Variants in OR11H12 observed in about 807,000 individuals in gnomAD.
OR11H12 encodes the protein olfactory receptor 11H12.
In OR11H12, 10 loss-of-function variants were observed where a neutral mutation model predicts 19.8. That is an observed-to-expected ratio of 0.51 (90% CI 0.31 to 0.86). The LOEUF (loss-of-function observed/expected upper bound fraction) is 0.86, where lower values mean the gene tolerates loss of function less well. Among genes scored for constraint, OR11H12 ranks in the 40% least tolerant of loss-of-function variants. The probability of loss-of-function intolerance (pLI) is 0.04; values close to 1 mark genes in which losing one functional copy is unlikely to be tolerated. For synonymous variants in OR11H12, 40 were observed against 140.5 expected, an observed-to-expected ratio of 0.28 and a Z score of 5.06; for missense variants, 123 against 384.2, an observed-to-expected ratio of 0.32 and a Z score of 5.68.
In OR11H12 at chr14:18,601,315, G is replaced by T; in HGVS notation, c.199G>T (p.Asp67Tyr). The T allele has an allele frequency of 6.6e-7, 1 of 1,506,164 alleles. No homozygotes were observed. Among genetic ancestry groups the T allele is most frequent in the Non-Finnish European group, 9.1e-7 (1 of 1,102,782 alleles). 93.3% of individuals were successfully genotyped at this position (1,506,164 alleles called of 1,614,324 possible). ...AGCCATTGCTTTTGTCCTGTGGTGTGACTGGCGACTTCACACTCCCATGTA... is the reference window on the plus strand; with the variant it reads ...AGCCATTGCTTTTGTCCTGTGGTGTTACTGGCGACTTCACACTCCCATGTA... ...NGAIAFVLWCDWRLHTPMYMF... is the reference protein window; with the variant it reads ...NGAIAFVLWCYWRLHTPMYMF... Residue 67 changes from aspartate (D) to tyrosine (Y), a missense_variant, in exon 1 of 1, where the codon GAC (aspartate) becomes TAC (tyrosine). By Grantham distance (160) the Asp-to-Tyr change is radical. Transcript: ENST00000550708.
chr14:18,601,566 C>T lies in OR11H12; in HGVS notation c.450C>T (p.Ile150=). 1 of 1,611,954 alleles carries T rather than the reference C, an allele frequency of 6.2e-7. No homozygotes were observed. The highest frequency in any genetic ancestry group is 2.2e-5 in the East Asian group (1 of 44,880). The change falls in exon 1 of 1, where the codon ATC becomes ATT. Residue 150 remains isoleucine, a synonymous_variant. Coordinates refer to ENST00000550708, the MANE Select transcript of OR11H12 (RefSeq NM_001013354.1). ...AICRPLLYPN[I]MTGHLCAKLV... is the part of the protein sequence containing the mutation. ...GCCGTCCCTTGCTCTATCCTAATAT[C>T]ATGACTGGGCATCTCTGTGCCAAAC...
chr14:18,601,194 A>T lies in OR11H12; in HGVS notation c.78A>T (p.Glu26Asp). The stretch of plus-strand genomic sequence containing the variant: ...ATTCCAGCTTTGCTTTTGTAAATGA[A>T]TTTATACTCCAAGGTTTCACTTGTG... ...EPNSSFAFVN[E>D]FILQGFTCEW... is the part of the protein sequence containing the mutation. Residue 26 changes from glutamate (E) to aspartate (D), a missense_variant, in exon 1 of 1, where the codon GAA (glutamate) becomes GAT (aspartate). Transcript: ENST00000550708. The T allele has an allele frequency of 6.2e-7, 1 of 1,608,934 alleles. No homozygotes were observed.
chr14:18,601,268 C>T lies in OR11H12; in HGVS notation c.152C>T (p.Ala51Val), dbSNP rs147859978. Reference sequence around the variant, plus strand: ...TTCTCACTCTTTACTACAACATATGCACTGACTATAACAGGGAATGGAGCC... The same window carrying T: ...TTCTCACTCTTTACTACAACATATGTACTGACTATAACAGGGAATGGAGCC... ...FLFSLFTTTY[A>V]LTITGNGAIA... Residue 51 changes from alanine (A) to valine (V), a missense_variant, in exon 1 of 1, where the codon GCA becomes GTA. By Grantham distance (64) the Ala-to-Val change is moderately conservative. Transcript: ENST00000550708. 3.1e-6 allele frequency: 5 copies of T among 1,603,020 alleles called. No individual in the cohort carries two copies. The highest frequency in any genetic ancestry group is 1.7e-6 in the Non-Finnish European group (2 of 1,177,466).
chr14:18,601,146 C>G lies in OR11H12; in HGVS notation c.30C>G (p.Gly10=). MCPLTLQVT[G]LMNVSEPNSS... ...GTCCCTTGACCTTGCAGGTCACTGGCCTAATGAATGTCTCTGAGCCAAATT... is the reference window on the plus strand; with the variant it reads ...GTCCCTTGACCTTGCAGGTCACTGGGCTAATGAATGTCTCTGAGCCAAATT... The change falls in exon 1 of 1, where the codon GGC becomes GGG. Residue 10 remains glycine (G), a synonymous_variant. Coordinates refer to ENST00000550708, the MANE Select transcript of OR11H12 (RefSeq NM_001013354.1). 1 of 1,589,398 alleles carries G rather than the reference C, an allele frequency of 6.3e-7. No individual in the cohort carries two copies. The highest frequency in any genetic ancestry group is 2.2e-5 in the East Asian group (1 of 44,602).
At chr14:18,601,224 G>A in the OR11H12 span, 1 of 1,608,948 alleles carries the variant, frequency 6.2e-7, no homozygotes, top group Non-Finnish European at 8.5e-7. Context: ...CTTGTGAGTG[G>A]ACAATTCAGA....
At position 18,601,318 on chromosome 14, in the gene OR11H12, T is replaced by A. The variant is rs141152619; in HGVS notation, c.202T>A (p.Trp68Arg). The A allele has an allele frequency of 0.027, 38,629 of 1,420,904 alleles. 7,478 individuals are homozygous for A. Among genetic ancestry groups the A allele is most frequent in the Admixed American group, 0.12 (6,104 of 49,522 alleles). 88.0% of individuals were successfully genotyped at this position (1,420,904 alleles called of 1,614,324 possible). The change falls in exon 1 of 1, where the codon TGG (tryptophan) becomes AGG (arginine). Residue 68 changes from tryptophan (W) to arginine (R), a missense_variant. Transcript: ENST00000550708. ...CATTGCTTTTGTCCTGTGGTGTGAC[T>A]GGCGACTTCACACTCCCATGTACAT... ...GAIAFVLWCD[W>R]RLHTPMYMFL...
rs1466787915 is a variant in OR11H12, at chr14:18,601,359, C to T, written c.243C>T (p.Phe81=). The change falls in exon 1 of 1, where the codon TTC becomes TTT. Residue 81 remains phenylalanine (F), a synonymous_variant. Coordinates refer to ENST00000550708, the MANE Select transcript of OR11H12 (RefSeq NM_001013354.1). ...HTPMYMFLGN[F]SFLEIWYVSS... ...CCATGTACATGTTCCTGGGAAATTTCTCCTTTTTAGAGATATGGTATGTCT... is the reference window on the plus strand; with the variant it reads ...CCATGTACATGTTCCTGGGAAATTTTTCCTTTTTAGAGATATGGTATGTCT... The T allele has an allele frequency of 6.3e-7, 1 of 1,577,056 alleles. No homozygotes were observed. The highest frequency in any genetic ancestry group is 8.6e-7 in the Non-Finnish European group (1 of 1,160,116).
At position 18,601,179 on chromosome 14, in the gene OR11H12, T is replaced by C. The variant is rs751424427; in HGVS notation, c.63T>C (p.Phe21=). Residue 21 remains phenylalanine, a synonymous_variant, in exon 1 of 1, where the codon TTT becomes TTC. Transcript: ENST00000550708. ...LMNVSEPNSS[F]AFVNEFILQG... is the part of the protein sequence containing the mutation. ...ATGTCTCTGAGCCAAATTCCAGCTT[T>C]GCTTTTGTAAATGAATTTATACTCC... 6 of 1,608,614 alleles carry C rather than the reference T, an allele frequency of 3.7e-6. No homozygotes were observed. In the East Asian group the frequency reaches 6.7e-5, roughly 18 times the overall value.
In OR11H12 at chr14:18,601,191, T is replaced by C. The variant is rs573921318; in HGVS notation, c.75T>C (p.Asn25=). 65 of 1,609,020 alleles carry C rather than the reference T, an allele frequency of 4.0e-5. 5 individuals are homozygous for C. The African/African-American group carries it at 8.4e-4, about 21-fold the overall frequency. ...SEPNSSFAFV[N]EFILQGFTCE... ...CAAATTCCAGCTTTGCTTTTGTAAA[T>C]GAATTTATACTCCAAGGTTTCACTT... The change falls in exon 1 of 1, where the codon AAT becomes AAC. Residue 25 remains asparagine (N), a synonymous_variant. Coordinates refer to ENST00000550708, the MANE Select transcript of OR11H12 (RefSeq NM_001013354.1).
In OR11H12 at chr14:18,601,244, T is replaced by A; in HGVS notation, c.128T>A (p.Phe43Tyr). ...TCEWTIQIFL[F>Y]SLFTTTYALT... is the part of the protein sequence containing the mutation. The stretch of plus-strand genomic sequence containing the variant: ...GAGTGGACAATTCAGATCTTCCTCT[T>A]CTCACTCTTTACTACAACATATGCA... The change falls in exon 1 of 1, where the codon TTC becomes TAC. Residue 43 changes from phenylalanine (F) to tyrosine (Y), a missense_variant. By Grantham distance (22) the Phe-to-Tyr change is conservative. Coordinates refer to ENST00000550708, the MANE Select transcript of OR11H12 (RefSeq NM_001013354.1). The A allele has an allele frequency of 6.2e-7, 1 of 1,607,904 alleles. No homozygotes were observed.
rs1287908867 is a variant in OR11H12 at position 18,601,342 on chromosome 14, A to C, written c.226A>C (p.Met76Leu). 6.5e-7 allele frequency: 1 copy of C among 1,541,278 alleles called. No homozygotes were observed. The highest frequency in any genetic ancestry group is 8.8e-7 in the Non-Finnish European group (1 of 1,130,858). Residue 76 changes from methionine (M) to leucine (L), a missense_variant, in exon 1 of 1, where the codon ATG becomes CTG. Physicochemically the swap from Met to Leu is conservative, Grantham distance 15. Coordinates refer to ENST00000550708, the MANE Select transcript of OR11H12 (RefSeq NM_001013354.1). ...CDWRLHTPMY[M>L]FLGNFSFLEI... ...CTGGCGACTTCACACTCCCATGTAC[A>C]TGTTCCTGGGAAATTTCTCCTTTTT...
chr14:18,601,196 T>A lies in OR11H12; in HGVS notation c.80T>A (p.Phe27Tyr), dbSNP rs898933036. ...PNSSFAFVNE[F>Y]ILQGFTCEWT... The stretch of plus-strand genomic sequence containing the variant: ...TCCAGCTTTGCTTTTGTAAATGAAT[T>A]TATACTCCAAGGTTTCACTTGTGAG... Residue 27 changes from phenylalanine to tyrosine, a missense_variant, in exon 1 of 1, where the codon TTT becomes TAT. Phe to Tyr is a conservative substitution (Grantham distance 22). Transcript: ENST00000550708. 1.2e-5 allele frequency: 19 copies of A among 1,608,906 alleles called. No individual in the cohort carries two copies. Among genetic ancestry groups the A allele is most frequent in the Non-Finnish European group, 1.6e-5 (19 of 1,179,496 alleles).
At position 18,601,218 on chromosome 14, in the gene OR11H12, T is replaced by C. The variant is rs752826913; in HGVS notation, c.102T>C (p.Cys34=). The change falls in exon 1 of 1, where the codon TGT becomes TGC. Residue 34 remains cysteine, a synonymous_variant. Coordinates refer to ENST00000550708, the MANE Select transcript of OR11H12 (RefSeq NM_001013354.1). ...VNEFILQGFT[C]EWTIQIFLFS... ...AATTTATACTCCAAGGTTTCACTTG[T>C]GAGTGGACAATTCAGATCTTCCTCT... The C allele has an allele frequency of 7.5e-6, 12 of 1,609,334 alleles. No homozygotes were observed. The South Asian group carries it at 7.7e-5, about 10-fold the overall frequency.
chr14:18,601,180 G>A lies in OR11H12; in HGVS notation c.64G>A (p.Ala22Thr). 3 of 1,608,394 alleles carry A rather than the reference G, an allele frequency of 1.9e-6. No individual in the cohort carries two copies. The highest frequency in any genetic ancestry group is 2.5e-6 in the Non-Finnish European group (3 of 1,179,352). The change falls in exon 1 of 1, where the codon GCT becomes ACT. Residue 22 changes from alanine to threonine, a missense_variant. By Grantham distance (58) the Ala-to-Thr change is moderately conservative. Transcript: ENST00000550708. ...MNVSEPNSSF[A>T]FVNEFILQGF... ...TGTCTCTGAGCCAAATTCCAGCTTTGCTTTTGTAAATGAATTTATACTCCA... is the reference window on the plus strand; with the variant it reads ...TGTCTCTGAGCCAAATTCCAGCTTTACTTTTGTAAATGAATTTATACTCCA...
the OR11H12 span, chr14:18,601,218 T>A: frequency 1.3e-5 from 21 of 1,609,216 alleles, no homozygotes; most frequent in East Asian, 4.2e-4. Context: ...GTTTCACTTG[T>A]GAGTGGACAA....
In OR11H12 at chr14:18,601,541, G is replaced by A. The variant is rs754908986; in HGVS notation, c.425G>A (p.Cys142Tyr). 1 of 1,611,684 alleles carries A rather than the reference G, an allele frequency of 6.2e-7. No homozygotes were observed. Among genetic ancestry groups the A allele is most frequent in the Admixed American group, 1.7e-5 (1 of 59,994 alleles). The change falls in exon 1 of 1, where the codon TGC becomes TAC. Residue 142 changes from cysteine to tyrosine, a missense_variant. By Grantham distance (194) the Cys-to-Tyr change is radical. Transcript: ENST00000550708. ...VMAFDQYLAI[C>Y]RPLLYPNIMT... ...GCCTTTGATCAGTACCTTGCTATCTGCCGTCCCTTGCTCTATCCTAATATC... is the reference window on the plus strand; with the variant it reads ...GCCTTTGATCAGTACCTTGCTATCTACCGTCCCTTGCTCTATCCTAATATC...
Position 18,601,274 on chromosome 14 carries a change from C to G in OR11H12, c.158C>G (p.Thr53Ser), listed in dbSNP as rs1243881642. ...CTCTTTACTACAACATATGCACTGA[C>G]TATAACAGGGAATGGAGCCATTGCT... ...FSLFTTTYAL[T>S]ITGNGAIAFV... Residue 53 changes from threonine to serine, a missense_variant, in exon 1 of 1, where the codon ACT becomes AGT. Transcript: ENST00000550708. 2 of 1,596,892 alleles carry G rather than the reference C, an allele frequency of 1.3e-6. No individual in the cohort carries two copies. Among genetic ancestry groups the G allele is most frequent in the South Asian group, 2.2e-5 (2 of 90,522 alleles).
At chr14:18,601,321 C>T in the OR11H12 span, 259 of 1,502,448 alleles carry the variant, frequency 1.7e-4, 61 homozygotes, top group African/African-American at 2.6e-3. Context: ...GTGTGACTGG[C>T]GACTTCACAC....
chr14:18,601,222 T>A lies in OR11H12; in HGVS notation c.106T>A (p.Trp36Arg). The change falls in exon 1 of 1, where the codon TGG (tryptophan) becomes AGG (arginine). Residue 36 changes from tryptophan (W) to arginine (R), a missense_variant. Trp to Arg is a moderately radical substitution (Grantham distance 101, BLOSUM62 -3). Transcript: ENST00000550708. Reference protein sequence around the residue: ...EFILQGFTCEWTIQIFLFSLF... With the variant: ...EFILQGFTCERTIQIFLFSLF... ...TATACTCCAAGGTTTCACTTGTGAGTGGACAATTCAGATCTTCCTCTTCTC... is the reference window on the plus strand; with the variant it reads ...TATACTCCAAGGTTTCACTTGTGAGAGGACAATTCAGATCTTCCTCTTCTC... 1.2e-6 allele frequency: 2 copies of A among 1,609,136 alleles called. No individual in the cohort carries two copies. The highest frequency in any genetic ancestry group is 1.7e-6 in the Non-Finnish European group (2 of 1,179,518).
Sources: gnomAD v4.1 joint callset for allele counts on GRCh38, gnomAD v4.1.1 for gene constraint, MANE v1.5 for transcripts, NCBI Gene and HGNC (gene_info 2026-07-23, HGNC 2026-07-21) for gene names.